Variants in FAM133B observed in about 807,000 individuals in gnomAD.
The protein encoded by FAM133B is family with sequence similarity 133 member B.
Under a neutral mutation model 46.4 loss-of-function variants are expected in FAM133B, and 25 were observed. The ratio of observed to expected loss-of-function variants is 0.54; its 90% CI spans 0.39 to 0.75. The LOEUF (loss-of-function observed/expected upper bound fraction) is 0.75. FAM133B is among the 30% of genes least tolerant of loss of function. The probability of loss-of-function intolerance (pLI) is 0.00; values close to 1 mark genes in which losing one functional copy is unlikely to be tolerated. For missense variants in FAM133B, 205 were observed against 277.6 expected (o/e 0.74, Z 1.86); for synonymous variants, 75 against 86.0 (o/e 0.87, Z 0.71).
At chr7:92,566,192 T>C in intron 9 of FAM133B, 131 bp from the exon 10 acceptor site, 2 of 793,896 alleles carry the variant, frequency 2.5e-6, no homozygotes, top group Non-Finnish European at 4.0e-6. Flanking sequence ...TCACAGGACA[T>C]TTAAAATAAC....
intron 1 of FAM133B, 92 bp from the exon 2 acceptor site, chr7:92,581,695 T>A: frequency 2.1e-6 from 2 of 933,252 alleles, no homozygotes; most frequent in South Asian, 2.8e-5. Flanking sequence ...TATAAATGCA[T>A]AATATATCCA....
intron 8 of FAM133B, 60 bp downstream of exon 8, chr7:92,575,707 GTTAT>G (rs1352986064): frequency 1.3e-6 from 1 of 767,324 alleles, no homozygotes; most frequent in Non-Finnish European, 2.1e-6. Flanking sequence ...ACACATTATT[GTTAT>G]TTAAGTCAAT....
chr7:92,580,216 G>A (rs372504961), intron 2 of FAM133B, among the ~76,000 whole-genome samples: 6 of 150,130 alleles, frequency 4.0e-5, no homozygotes, highest in African/African-American at 1.5e-4. Flanking sequence ...TAAGACTACA[G>A]GCATGTACTA....
In FAM133B at chr7:92,590,355, G is replaced by A. The variant is rs1003679708; in HGVS notation, c.-64C>T. 6 of 1,608,036 alleles carry A rather than the reference G, an allele frequency of 3.7e-6. No homozygotes were observed. The highest frequency in any genetic ancestry group is 1.3e-5 in the African/African-American group (1 of 74,730). The stretch of plus-strand genomic sequence containing the variant: ...CCGGGCCGGAGAGACTGCCGAAGAG[G>A]GCCTGCCGCAGGTCCTCTTGCCGCC... On this transcript the variant is annotated 5_prime_UTR_variant, in exon 1 of 11. Coordinates refer to ENST00000445716, the MANE Select transcript of FAM133B (RefSeq NM_152789.4).
intron 1 of FAM133B, among the ~76,000 whole-genome samples, chr7:92,582,421 T>A (rs1040801701): frequency 1.3e-5 from 2 of 152,212 alleles, no homozygotes; most frequent in Admixed American, 1.3e-4. Flanking sequence ...AAATACTATG[T>A]CATAGTGATG....
At chr7:92,563,676 G>A (rs151337090) in intron 10 of FAM133B, among the ~76,000 whole-genome samples, 21 of 152,206 alleles carry the variant, frequency 1.4e-4, no homozygotes, top group African/African-American at 4.1e-4. Flanking sequence ...GGGATGTCTC[G>A]TAGGCATATC....
intron 2 of FAM133B, among the ~76,000 whole-genome samples, chr7:92,581,249 T>A (rs1461950982): frequency 6.6e-6 from 1 of 152,276 alleles, no homozygotes; most frequent in East Asian, 1.9e-4. Flanking sequence ...TAGGGTCTTT[T>A]ATGGAATAGA....
At chr7:92,575,011 A>G (rs547169972) in intron 8 of FAM133B, among the ~76,000 whole-genome samples, 61 of 152,222 alleles carry the variant, frequency 4.0e-4, no homozygotes, top group Non-Finnish European at 8.1e-4. Context: ...TAATAACCAG[A>G]ATAACAATTT....
intron 1 of FAM133B, chr7:92,590,034 A>G: frequency 1.7e-6 from 1 of 603,936 alleles, no homozygotes; most frequent in Non-Finnish European, 2.9e-6. Context: ...CGCCAGAAAG[A>G]GCGACGAGGT....
At chr7:92,570,847 A>G (rs1180140028) in intron 8 of FAM133B, among the ~76,000 whole-genome samples, 1 of 152,192 alleles carries the variant, frequency 6.6e-6, no homozygotes, top group Admixed American at 6.5e-5. Flanking sequence ...TGTTAACTGT[A>G]AGAAAATGGA....
intron 2 of FAM133B, among the ~76,000 whole-genome samples, chr7:92,579,855 A>G (rs1017701288): frequency 3.3e-5 from 5 of 152,200 alleles, no homozygotes; most frequent in African/African-American, 1.2e-4. Context: ...GACCCATTTA[A>G]TAAGGTACCT....
rs1009638102 is a variant in FAM133B, at chr7:92,560,920, G to A, written c.*1362C>T. On this transcript the variant is annotated 3_prime_UTR_variant, in exon 11 of 11. Coordinates refer to ENST00000445716, the MANE Select transcript of FAM133B (RefSeq NM_152789.4). ...CATCAAGTTGTATGTCATGTTACCT[G>A]ATTATATAAAAATGTAAAATGAAAA... 2.0e-5 allele frequency: 3 copies of A among 152,522 alleles called. No homozygotes were observed. The highest frequency in any genetic ancestry group is 4.4e-5 in the Non-Finnish European group (3 of 68,006). The allele number at this position is 152,522 out of a possible 1,614,324, so 9.4% of individuals were successfully genotyped here.
At chr7:92,580,978 T>C (rs1794850912) in intron 2 of FAM133B, among the ~76,000 whole-genome samples, 1 of 152,228 alleles carries the variant, frequency 6.6e-6, no homozygotes, top group African/African-American at 2.4e-5. Flanking sequence ...GCACTTGGGA[T>C]TCTGAAGTTA....
chr7:92,582,438 T>C (rs1350248233), intron 1 of FAM133B, among the ~76,000 whole-genome samples: 1 of 152,228 alleles, frequency 6.6e-6, no homozygotes, highest in Non-Finnish European at 1.5e-5. Context: ...GATGACAATT[T>C]TATTCATAAA....
intron 7 of FAM133B, 134 bp downstream of exon 7, chr7:92,576,969 A>AT: frequency 6.7e-6 from 3 of 445,114 alleles, no homozygotes; most frequent in Non-Finnish European, 1.2e-5. Context: ...ATTATCAAGT[A>AT]TATCAATTAA....
chr7:92,563,137 A>T (rs1794210518), intron 10 of FAM133B, among the ~76,000 whole-genome samples: 1 of 152,210 alleles, frequency 6.6e-6, no homozygotes. Flanking sequence ...CTGATATTCA[A>T]GAGAAGAAAA....
In FAM133B at chr7:92,583,163, C is replaced by G. The variant is rs142248885; in HGVS notation, c.25-1560G>C. 6.8e-3 allele frequency among the ~76,000 whole-genome samples: 1,035 copies of G among 152,288 alleles called. 5 individuals carry two copies. Among genetic ancestry groups the G allele is most frequent in the Non-Finnish European group, 0.011 (779 of 68,026 alleles). Reference sequence around the variant, plus strand: ...TTCAGCCTTAAAAAAGAATGCAATTCTGATACATACTATATGCAACCTGGA... The same window carrying G: ...TTCAGCCTTAAAAAAGAATGCAATTGTGATACATACTATATGCAACCTGGA... On this transcript the variant is annotated intron_variant, in intron 1 of 10. Coordinates refer to ENST00000445716, the MANE Select transcript of FAM133B (RefSeq NM_152789.4).
chr7:92,580,593 C>G (rs1794838734), intron 2 of FAM133B, among the ~76,000 whole-genome samples: 1 of 152,210 alleles, frequency 6.6e-6, no homozygotes, highest in Non-Finnish European at 1.5e-5. Flanking sequence ...CGGGACTTAC[C>G]CAAACTTTGC....
chr7:92,580,894 TCTTA>T (rs1171359427), intron 2 of FAM133B, among the ~76,000 whole-genome samples: 3 of 152,238 alleles, frequency 2.0e-5, no homozygotes, highest in Non-Finnish European at 4.4e-5. Flanking sequence ...AATCCTTACT[TCTTA>T]TTTAACTCAA....
Sources: gnomAD v4.1 joint callset for allele counts (sites outside exome capture counted in the v4.1 genomes callset) on GRCh38, gnomAD v4.1.1 for gene constraint, MANE v1.5 for transcripts, NCBI Gene and HGNC (gene_info 2026-07-23, HGNC 2026-07-21) for gene names.